Variants in STX2 observed in about 807,000 individuals in gnomAD.
The protein encoded by STX2 is syntaxin 2.
STX2 carries 27 observed loss-of-function variants against 40.6 expected under a neutral mutation model. The ratio of observed to expected loss-of-function variants is 0.66; its 90% CI spans 0.49 to 0.92. STX2 has a LOEUF of 0.92. STX2 is among the 40% of genes least tolerant of loss of function. The pLI, the probability that STX2 is intolerant of heterozygous loss-of-function variation, is 0.00. For synonymous variants in STX2, 123 were observed against 119.1 expected, an observed-to-expected ratio of 1.03 and a Z score of -0.22; for missense variants, 328 against 366.1, an observed-to-expected ratio of 0.90 and a Z score of 0.85.
chr12:130,827,281 T>C lies in STX2; in HGVS notation c.31-14A>G, dbSNP rs982886626. 1.2e-6 allele frequency: 2 copies of C among 1,611,022 alleles called. No homozygotes were observed. Among genetic ancestry groups the C allele is most frequent in the African/African-American group, 2.7e-5 (2 of 74,916 alleles). On this transcript the variant is annotated splice_polypyrimidine_tract_variant and intron_variant, in intron 1 of 10. Transcript: ENST00000392373. ...ATTCTTCCTACACTACAATGAAAAATGGAAAATTCAGTTTTTTAAAATTTT... is the reference window on the plus strand; with the variant it reads ...ATTCTTCCTACACTACAATGAAAAACGGAAAATTCAGTTTTTTAAAATTTT...
chr12:130,827,184 C>A lies in STX2; in HGVS notation c.105+9G>T, dbSNP rs147369149. Reference sequence around the variant, plus strand: ...CAGGCTATGATTGGGTTTCATTAAACGCTCTTACCTGATGGAAGAAATCAT... The same window carrying A: ...CAGGCTATGATTGGGTTTCATTAAAAGCTCTTACCTGATGGAAGAAATCAT... On this transcript the variant is annotated intron_variant, in intron 2 of 10. Coordinates refer to ENST00000392373, the MANE Select transcript of STX2 (RefSeq NM_194356.4). The A allele has an allele frequency of 1.3e-3, 2,093 of 1,611,470 alleles. 16 individuals are homozygous for A. The African/African-American group carries it at 0.021, about 16-fold the overall frequency.
intron 3 of STX2, among the ~76,000 whole-genome samples, chr12:130,815,306 G>C (rs1951818219): frequency 6.6e-6 from 1 of 152,118 alleles, no homozygotes; most frequent in Non-Finnish European, 1.5e-5. Context: ...GAAGACATAA[G>C]CCAGGAATGG....
intron 4 of STX2, among the ~76,000 whole-genome samples, chr12:130,809,288 C>A (rs1951558128): frequency 6.6e-6 from 1 of 151,504 alleles, no homozygotes; most frequent in Admixed American, 6.6e-5. Context: ...AACACACATA[C>A]AAAAAAATGG....
intron 2 of STX2, among the ~76,000 whole-genome samples, chr12:130,824,219 G>A (rs775373820): frequency 1.3e-5 from 2 of 152,034 alleles, no homozygotes; most frequent in African/African-American, 2.4e-5. Flanking sequence ...GCAAAATGCC[G>A]TCTCTACTAA....
intron 8 of STX2, among the ~76,000 whole-genome samples, chr12:130,799,476 T>C (rs1172227515): frequency 6.6e-6 from 1 of 152,232 alleles, no homozygotes; most frequent in East Asian, 1.9e-4. Context: ...TCGTTCTTTC[T>C]GTCCAGCTGG....
intron 10 of STX2, among the ~76,000 whole-genome samples, chr12:130,792,546 C>T (rs1408655654): frequency 6.6e-6 from 1 of 152,206 alleles, no homozygotes; most frequent in Non-Finnish European, 1.5e-5. Flanking sequence ...TCACTGCAAA[C>T]ACATCCTCCT....
At chr12:130,818,871 C>T (rs1199701972) in intron 3 of STX2, among the ~76,000 whole-genome samples, 3 of 152,180 alleles carry the variant, frequency 2.0e-5, no homozygotes, top group Admixed American at 2.0e-4. Flanking sequence ...GAATCCCAGC[C>T]TCGTCGTCAC....
intron 1 of STX2, among the ~76,000 whole-genome samples, chr12:130,832,664 C>T (rs747609822): frequency 6.6e-6 from 1 of 152,174 alleles, no homozygotes; most frequent in African/African-American, 2.4e-5. Context: ...AGCATTTAAA[C>T]TTGGGGGCGG....
Position 130,791,791 on chromosome 12 carries a change from T to G in STX2, c.*232A>C. 1 of 989,334 alleles carries G rather than the reference T, an allele frequency of 1.0e-6. No individual in the cohort carries two copies. The highest frequency in any genetic ancestry group is 1.6e-5 in the African/African-American group (1 of 62,008). The allele number at this position is 989,334 out of a possible 1,614,324, so 61.3% of individuals were successfully genotyped here. Reference sequence around the variant, plus strand: ...AACTCATACATTACAAGGTCAGCACTCGATGCCGGGTTACAGCGTCTGAGA... The same window carrying G: ...AACTCATACATTACAAGGTCAGCACGCGATGCCGGGTTACAGCGTCTGAGA... On this transcript the variant is annotated 3_prime_UTR_variant, in exon 11 of 11. Coordinates refer to ENST00000392373, the MANE Select transcript of STX2 (RefSeq NM_194356.4).
chr12:130,791,320 G>C lies in STX2; in HGVS notation c.*703C>G, dbSNP rs1381955621. On this transcript the variant is annotated 3_prime_UTR_variant, in exon 11 of 11. Coordinates refer to ENST00000392373, the MANE Select transcript of STX2 (RefSeq NM_194356.4). ...GTGGATCACAAGGTCAGGAGTTTGAGGCCAGCCTGGCCAGCATGGTAAAAC... is the reference window on the plus strand; with the variant it reads ...GTGGATCACAAGGTCAGGAGTTTGACGCCAGCCTGGCCAGCATGGTAAAAC... The C allele has an allele frequency of 6.6e-6, 1 of 152,118 alleles. No individual in the cohort carries two copies. The highest frequency in any genetic ancestry group is 1.5e-5 in the Non-Finnish European group (1 of 68,056). 9.4% of individuals were successfully genotyped at this position (152,118 alleles called of 1,614,324 possible).
intron 2 of STX2, among the ~76,000 whole-genome samples, chr12:130,826,480 G>A (rs1397413714): frequency 1.3e-5 from 2 of 152,178 alleles, no homozygotes; most frequent in Non-Finnish European, 2.9e-5. Context: ...GGCGCTGCAG[G>A]CCCGGCCCCA....
intron 1 of STX2, among the ~76,000 whole-genome samples, chr12:130,832,443 C>T (rs962276205): frequency 2.6e-5 from 4 of 152,142 alleles, no homozygotes; most frequent in Admixed American, 1.3e-4. Flanking sequence ...AGAGGACCAC[C>T]GAGCCATGGG....
intron 2 of STX2, among the ~76,000 whole-genome samples, chr12:130,824,645 C>T (rs953753704): frequency 6.6e-6 from 1 of 152,120 alleles, no homozygotes; most frequent in Non-Finnish European, 1.5e-5. Context: ...CATTATAAAT[C>T]ATCTTCACAG....
At chr12:130,800,505 C>T (rs1355728209) in intron 8 of STX2, among the ~76,000 whole-genome samples, 1 of 152,194 alleles carries the variant, frequency 6.6e-6, no homozygotes, top group South Asian at 2.1e-4. Context: ...GCTTTCACTC[C>T]CTATCTGTGT....
intron 3 of STX2, among the ~76,000 whole-genome samples, chr12:130,818,848 C>T (rs1952000869): frequency 6.6e-6 from 1 of 152,174 alleles, no homozygotes; most frequent in Non-Finnish European, 1.5e-5. Flanking sequence ...AAATCCCCGC[C>T]GTCCTGCAGG....
At chr12:130,837,575 CG>C (rs1952790114) in intron 1 of STX2, among the ~76,000 whole-genome samples, 1 of 152,156 alleles carries the variant, frequency 6.6e-6, no homozygotes, top group Non-Finnish European at 1.5e-5. Context: ...TGAGCCACTG[CG>C]ACTGGCCTCC....
At chr12:130,830,275 C>T (rs556685075) in intron 1 of STX2, among the ~76,000 whole-genome samples, 2 of 152,296 alleles carry the variant, frequency 1.3e-5, no homozygotes, top group East Asian at 1.9e-4. Context: ...CCCAGCGCCA[C>T]GCTTCCCTGT....
intron 2 of STX2, among the ~76,000 whole-genome samples, chr12:130,824,627 T>C (rs1451090497): frequency 6.6e-6 from 1 of 152,108 alleles, no homozygotes; most frequent in Non-Finnish European, 1.5e-5. Context: ...ACAGGGGTCC[T>C]TTGGCTCCAT....
intron 10 of STX2, 58 bp downstream of exon 10, chr12:130,795,937 A>G: frequency 6.5e-7 from 1 of 1,540,828 alleles, no homozygotes; most frequent in South Asian, 1.2e-5. Flanking sequence ...AATTAAGCAA[A>G]TACTATTATT....
Sources: gnomAD v4.1 joint callset for allele counts (sites outside exome capture counted in the v4.1 genomes callset) on GRCh38, gnomAD v4.1.1 for gene constraint, MANE v1.5 for transcripts, NCBI Gene and HGNC (gene_info 2026-07-23, HGNC 2026-07-21) for gene names.